POLR2M: variants seen among roughly 807,000 people sequenced by gnomAD.
POLR2M encodes protein GRINL1A.
POLR2M carries 30 observed loss-of-function variants against 34.6 expected under a neutral mutation model. The ratio of observed to expected loss-of-function variants is 0.87; its 90% confidence interval spans 0.65 to 1.18. POLR2M has a LOEUF of 1.18. Ranked by LOEUF, POLR2M falls within the 50% of genes most tolerant of loss-of-function variation. The pLI is 0.00. For synonymous variants in POLR2M, 150 were observed against 166.7 expected (o/e 0.90, Z 0.77); for missense variants, 432 against 448.7 (o/e 0.96, Z 0.34).
chr15:57,715,951 T>G lies in POLR2M; in HGVS notation c.*1272T>G, dbSNP rs2040925145. The G allele has an allele frequency of 6.6e-6, 1 of 152,300 alleles. No individual in the cohort carries two copies. The allele number at this position is 152,300 out of a possible 1,614,324, so 9.4% of individuals were successfully genotyped here. The stretch of plus-strand genomic sequence containing the variant: ...AGCAAATGTGAAAAGTATACTGACC[T>G]AAGATTCTCATTAGTTTTAGTTCTT... On this transcript the variant is annotated 3_prime_UTR_variant, in exon 4 of 4. Transcript: ENST00000299638.
chr15:57,713,396 T>C (rs1297971799), intron 3 of POLR2M, among the ~76,000 whole-genome samples: 2 of 151,580 alleles, frequency 1.3e-5, no homozygotes, highest in Admixed American at 1.3e-4. Context: ...TCCTAAGATA[T>C]TTTTAGGTTG....
At chr15:57,714,427 G>T (rs1185914839) in intron 3 of POLR2M, 109 bp from the exon 4 acceptor site, 4 of 1,544,630 alleles carry the variant, frequency 2.6e-6, no homozygotes, top group East Asian at 4.5e-5. Flanking sequence ...GGAGCACTCA[G>T]TGAGGTGTCA....
In POLR2M at chr15:57,707,181, C is replaced by T. The variant is rs113169869; in HGVS notation, c.113+226C>T. Reference sequence around the variant, plus strand: ...GAGGATAGCTCGGATTGAACGGCTACCTGGCGTTGCAGGGAGTTAGTAGCC... The same window carrying T: ...GAGGATAGCTCGGATTGAACGGCTATCTGGCGTTGCAGGGAGTTAGTAGCC... On this transcript the variant is annotated intron_variant, in intron 1 of 3. Transcript: ENST00000299638. 8.1e-6 allele frequency: 12 copies of T among 1,482,962 alleles called. No homozygotes were observed. In the African/African-American group the frequency reaches 1.4e-4, roughly 17 times the overall value. The allele number at this position is 1,482,962 out of a possible 1,614,324, so 91.9% of individuals were successfully genotyped here. A position where few individuals can be genotyped will look rare whatever the true frequency, so the allele number is the denominator to read the frequency against.
At chr15:57,712,931 T>C (rs1274459719) in intron 3 of POLR2M, among the ~76,000 whole-genome samples, 1 of 152,198 alleles carries the variant, frequency 6.6e-6, no homozygotes, top group Non-Finnish European at 1.5e-5. Context: ...TTCCTAGGTA[T>C]TGATTAGCTA....
At chr15:57,710,122 A>T (rs2040652073) in intron 2 of POLR2M, among the ~76,000 whole-genome samples, 1 of 152,220 alleles carries the variant, frequency 6.6e-6, no homozygotes, top group Admixed American at 6.5e-5. Context: ...AGGTTTACAC[A>T]CTTGGAAAAG....
intron 2 of POLR2M, among the ~76,000 whole-genome samples, chr15:57,710,816 A>G (rs1197848974): frequency 6.6e-6 from 1 of 152,182 alleles, no homozygotes; most frequent in Non-Finnish European, 1.5e-5. Context: ...AGGAGTCCTT[A>G]GGCCATAGAC....
chr15:57,708,594 C>G, intron 1 of POLR2M, 120 bp from the exon 2 acceptor site: 7 of 907,190 alleles, frequency 7.7e-6, no homozygotes, highest in South Asian at 2.2e-5. Flanking sequence ...AGTTAGAAAT[C>G]AGATATTTGA....
chr15:57,707,061 G>T (rs1434149096), intron 1 of POLR2M, 106 bp downstream of exon 1: 2 of 1,551,510 alleles, frequency 1.3e-6, no homozygotes, highest in African/African-American at 2.7e-5. Flanking sequence ...AGGTGACTTT[G>T]ACTCAGTCAC....
rs1340167315 is a variant in POLR2M at position 57,709,030 on chromosome 15, T to C, written c.430T>C (p.Ser144Pro). 1 of 1,613,988 alleles carries C rather than the reference T, an allele frequency of 6.2e-7. No homozygotes were observed. Among genetic ancestry groups the C allele is most frequent in the Non-Finnish European group, 8.5e-7 (1 of 1,179,932 alleles). Residue 144 changes from serine to proline, a missense_variant, in exon 2 of 4, where the codon TCA (serine) becomes CCA (proline). By Grantham distance (74) the Ser-to-Pro change is moderately conservative. Coordinates refer to ENST00000299638, the MANE Select transcript of POLR2M (RefSeq NM_015532.5). Reference sequence around the variant, plus strand: ...TACTCTTGAAGGTGATGAAGAGACTTCAGAGGTTGAGTACACAGTGAATAA... The same window carrying C: ...TACTCTTGAAGGTGATGAAGAGACTCCAGAGGTTGAGTACACAGTGAATAA... ...RPTLEGDEET[S>P]EVEYTVNKGP...
chr15:57,710,833 G>C (rs1191492562), intron 2 of POLR2M, among the ~76,000 whole-genome samples: 1 of 152,162 alleles, frequency 6.6e-6, no homozygotes, highest in Non-Finnish European at 1.5e-5. Context: ...AGACAGGTAG[G>C]GATTGAGAGG....
Position 57,708,968 on chromosome 15 carries a change from C to T in POLR2M, c.368C>T (p.Ser123Leu), listed in dbSNP as rs1335243237. 2 of 1,613,794 alleles carry T rather than the reference C, an allele frequency of 1.2e-6. No individual in the cohort carries two copies. Among genetic ancestry groups the T allele is most frequent in the African/African-American group, 1.3e-5 (1 of 74,908 alleles). The change falls in exon 2 of 4, where the codon TCA becomes TTA. Residue 123 changes from serine (S) to leucine (L), a missense_variant. Coordinates refer to ENST00000299638, the MANE Select transcript of POLR2M (RefSeq NM_015532.5). ...TGTTCCTCTGTAGATAACATCAAGT[C>T]ATCTCAAACCTCACAAAACCAGGGA... ...PGCSSVDNIKSSQTSQNQGLG... is the reference protein window; with the variant it reads ...PGCSSVDNIKLSQTSQNQGLG...
At chr15:57,707,177 G>C in intron 1 of POLR2M, 2 of 1,486,952 alleles carry the variant, frequency 1.3e-6, no homozygotes, top group Non-Finnish European at 1.8e-6. Context: ...GGATTGAACG[G>C]CTACCTGGCG....
chr15:57,707,360 T>G, intron 1 of POLR2M: 1 of 709,926 alleles, frequency 1.4e-6, no homozygotes, highest in Non-Finnish European at 2.5e-6. Flanking sequence ...AAGAGTGGGA[T>G]ATGAAGAGGG....
rs919821784 is a variant in POLR2M at position 57,707,849 on chromosome 15, C to T, written c.114-865C>T. On this transcript the variant is annotated intron_variant, in intron 1 of 3. Coordinates refer to ENST00000299638, the MANE Select transcript of POLR2M (RefSeq NM_015532.5). Reference sequence around the variant, plus strand: ...GAGAACCCTGGAAAAATACAGAAAACAGGAATTTCAGCTGTAGAGTGTTGT... The same window carrying T: ...GAGAACCCTGGAAAAATACAGAAAATAGGAATTTCAGCTGTAGAGTGTTGT... Among the ~76,000 whole-genome samples, 102 of 152,270 alleles carry T rather than the reference C, an allele frequency of 6.7e-4. 2 individuals carry two copies. The highest frequency in any genetic ancestry group is 2.5e-3 in the African/African-American group (102 of 41,548).
chr15:57,706,723 G>A lies in POLR2M; in HGVS notation c.-120G>A. The A allele has an allele frequency of 1.7e-6, 2 of 1,172,910 alleles. No homozygotes were observed. Among genetic ancestry groups the A allele is most frequent in the Non-Finnish European group, 2.4e-6 (2 of 840,016 alleles). 72.7% of individuals were successfully genotyped at this position (1,172,910 alleles called of 1,614,324 possible). On this transcript the variant is annotated 5_prime_UTR_variant, in exon 1 of 4. Transcript: ENST00000299638. The stretch of plus-strand genomic sequence containing the variant: ...GCTCGAAGAAGACCCCGTTCTTCCG[G>A]GAAAATGGCGACTCCCGCTCGTGCC...
Position 57,717,445 on chromosome 15 carries a change from G to C in POLR2M, c.*2766G>C, listed in dbSNP as rs1392801606. On this transcript the variant is annotated 3_prime_UTR_variant, in exon 4 of 4. Coordinates refer to ENST00000299638, the MANE Select transcript of POLR2M (RefSeq NM_015532.5). ...TTCCCCCAGAGCTAACTATCCTGAC[G>C]TATGGTAATTCTCCCTCTGTCCTTT... 4 of 152,102 alleles carry C rather than the reference G, an allele frequency of 2.6e-5. No homozygotes were observed. Among genetic ancestry groups the C allele is most frequent in the African/African-American group, 9.7e-5 (4 of 41,408 alleles). 9.4% of individuals were successfully genotyped at this position (152,102 alleles called of 1,614,324 possible).
At chr15:57,712,330 G>T (rs1409895587) in intron 3 of POLR2M, 142 bp downstream of exon 3, 7 of 1,002,050 alleles carry the variant, frequency 7.0e-6, no homozygotes, top group Middle Eastern at 6.5e-4. Context: ...CTAGTTTTCA[G>T]AGAGTCACAA....
chr15:57,711,548 C>T (rs2040713602), intron 2 of POLR2M, among the ~76,000 whole-genome samples: 1 of 152,138 alleles, frequency 6.6e-6, no homozygotes, highest in Non-Finnish European at 1.5e-5. Flanking sequence ...GTTATTATTC[C>T]AAGACTGTTC....
At chr15:57,712,731 A>G (rs766800550) in intron 3 of POLR2M, among the ~76,000 whole-genome samples, 3 of 152,236 alleles carry the variant, frequency 2.0e-5, no homozygotes, top group Non-Finnish European at 4.4e-5. Flanking sequence ...TGCTTTTGGC[A>G]GCTTAATCAA....
Sources: gnomAD v4.1 joint callset for allele counts (sites outside exome capture counted in the v4.1 genomes callset) on GRCh38, gnomAD v4.1.1 for gene constraint, MANE v1.5 for transcripts, NCBI Gene and HGNC (gene_info 2026-07-23, HGNC 2026-07-21) for gene names.